SP140: variants seen among roughly 807,000 people sequenced by gnomAD.
SP140 encodes the protein SP140 nuclear body protein.
Under a neutral mutation model 125.0 loss-of-function variants are expected in SP140, and 81 were observed. That is an observed-to-expected ratio of 0.65 (90% CI 0.54 to 0.78). The LOEUF (loss-of-function observed/expected upper bound fraction) is 0.78. SP140 is among the 30% of genes least tolerant of loss of function. The probability of loss-of-function intolerance (pLI) is 0.00; values close to 1 mark genes in which losing one functional copy is unlikely to be tolerated. For synonymous variants in SP140, 312 were observed against 354.0 expected, an observed-to-expected ratio of 0.88 and a Z score of 1.33; for missense variants, 858 against 1,037.0, an observed-to-expected ratio of 0.83 and a Z score of 2.37.
At chr2:230,254,635 G>C (rs541132172) in intron 11 of SP140, among the ~76,000 whole-genome samples, 143 of 152,316 alleles carry the variant, frequency 9.4e-4, no homozygotes, top group Middle Eastern at 3.4e-3. Context: ...TGAATGTCCT[G>C]TTTGCTCTTC....
In SP140 at chr2:230,211,317, G is replaced by T. The variant is rs3769837; in HGVS notation, c.-322-2337G>T. Among the ~76,000 whole-genome samples, 118,601 of 152,036 alleles carry T rather than the reference G, an allele frequency of 0.78. 46,374 individuals carry two copies. Among genetic ancestry groups the T allele is most frequent in the Admixed American group, 0.84 (12,787 of 15,288 alleles). Reference sequence around the variant, plus strand: ...CATTCAGAGGTCGGGTCTCCTGCCTGTTCAAGCTCCCAAGTGCTGGGTGAA... The same window carrying T: ...CATTCAGAGGTCGGGTCTCCTGCCTTTTCAAGCTCCCAAGTGCTGGGTGAA... On this transcript the variant is annotated intron_variant, in intron 1 of 4. Transcript: ENST00000456542. This position sits in a 1 kb window ranked among gnomAD's most constrained non-coding sequence, Gnocchi z 4.2.
At chr2:230,221,061 T>C (rs1365753081), upstream of SP140, among the ~76,000 whole-genome samples, 1 of 151,654 alleles carries the variant, frequency 6.6e-6, no homozygotes, top group Non-Finnish European at 1.5e-5. Context: ...GATGGGTGGA[T>C]CACAAGGTCA....
At chr2:230,259,796 A>ATATATATATATATATATACC (rs71049700) in intron 12 of SP140, among the ~76,000 whole-genome samples, 1 of 107,950 alleles carries the variant, frequency 9.3e-6, no homozygotes, top group African/African-American at 3.4e-5. Flanking sequence ...ATATATATAT[A>ATATATATATATATATATACC]CCACATACAT....
Position 230,237,507 on chromosome 2 carries a change from A to T in SP140, c.237+247A>T, listed in dbSNP as rs189054317. 64 of 398,276 alleles carry T rather than the reference A, an allele frequency of 1.6e-4. No individual in the cohort carries two copies. Among genetic ancestry groups the T allele is most frequent in the African/African-American group, 1.2e-3 (58 of 48,188 alleles). The allele number at this position is 398,276 out of a possible 1,614,324, so 24.7% of individuals were successfully genotyped here. A position where few individuals can be genotyped will look rare whatever the true frequency, so the allele number is the denominator to read the frequency against. ...TGGGAATGCTGTATGGGTGCAGATC[A>T]TCCTAGGTACTTGTAAACAATCTAC... is the stretch of plus-strand genomic sequence containing the variant. On this transcript the variant is annotated intron_variant, in intron 2 of 26. Coordinates refer to ENST00000392045, the MANE Select transcript of SP140 (RefSeq NM_007237.5). The surrounding 1 kb of genome is among the most constrained non-coding windows in gnomAD (Gnocchi z 5.4).
the SP140 span, among the ~76,000 whole-genome samples, chr2:230,196,657 G>C: frequency 6.6e-6 from 1 of 151,612 alleles, no homozygotes; most frequent in Non-Finnish European, 1.5e-5. Context: ...TCGTCATTTA[G>C]CATTAGGTAT....
At chr2:230,194,013 T>C in the SP140 span, among the ~76,000 whole-genome samples, 1 of 152,142 alleles carries the variant, frequency 6.6e-6, no homozygotes, top group Non-Finnish European at 1.5e-5. Context: ...GTATGTTTCC[T>C]CCAGCCTAGG....
At chr2:230,218,777 AT>A in intron 3 of SP140, among the ~76,000 whole-genome samples, 1 of 152,356 alleles carries the variant, frequency 6.6e-6, no homozygotes, top group East Asian at 1.9e-4. Context: ...GACTGTTCAG[AT>A]TTTTATTATG....
chr2:230,256,424 C>T (rs2051212679), intron 12 of SP140, among the ~76,000 whole-genome samples: 1 of 149,416 alleles, frequency 6.7e-6, no homozygotes. Flanking sequence ...ATCACAAGGA[C>T]AAAAAACCAA....
At position 230,257,622 on chromosome 2, in the gene SP140, C is replaced by G. The variant is rs1430164880; in HGVS notation, c.1240+2090C>G. ...TCTCTACTAAAAATACAAAAATTAG[C>G]TGGTTGTGGTCGAGCACACCTGTAG... On this transcript the variant is annotated intron_variant, in intron 12 of 26. Transcript: ENST00000392045. 3.3e-5 allele frequency among the ~76,000 whole-genome samples: 5 copies of G among 152,100 alleles called. No individual in the cohort carries two copies. The East Asian group carries it at 9.6e-4, about 29-fold the overall frequency.
upstream of SP140, among the ~76,000 whole-genome samples, chr2:230,199,282 C>T (rs758626112): frequency 7.2e-6 from 1 of 138,070 alleles, no homozygotes; most frequent in Non-Finnish European, 1.5e-5. Flanking sequence ...GATCTTGGCT[C>T]GCTGCAACCT....
chr2:230,189,733 CCT>C, the SP140 span, among the ~76,000 whole-genome samples: 4 of 152,106 alleles, frequency 2.6e-5, no homozygotes, highest in African/African-American at 7.2e-5. Flanking sequence ...GTGTTGTTCC[CCT>C]CTCTGTGTCC....
intron 3 of SP140, chr2:230,216,667 C>T (rs973565920): frequency 1.6e-6 from 2 of 1,271,004 alleles, no homozygotes; most frequent in Non-Finnish European, 2.3e-6. Flanking sequence ...AATGAACATG[C>T]CTGGGCTGGG....
At chr2:230,289,654 T>G (rs747011836) in intron 18 of SP140, among the ~76,000 whole-genome samples, 1 of 152,182 alleles carries the variant, frequency 6.6e-6, no homozygotes. Flanking sequence ...TTTGTATTTT[T>G]GGTAGAGATG....
At chr2:230,189,380 G>T in the SP140 span, among the ~76,000 whole-genome samples, 1 of 152,020 alleles carries the variant, frequency 6.6e-6, no homozygotes, top group East Asian at 1.9e-4. Context: ...GATAATTTAT[G>T]TCACTGTTAC....
chr2:230,292,511 G>A (rs774244183), intron 19 of SP140, 135 bp from the exon 20 acceptor site: 1 of 1,197,252 alleles, frequency 8.4e-7, no homozygotes, highest in African/African-American at 1.5e-5. Context: ...TCTGTAGTCT[G>A]AGAGGGAAGG....
chr2:230,258,098 G>A (rs977069232), intron 12 of SP140, among the ~76,000 whole-genome samples: 1 of 152,094 alleles, frequency 6.6e-6, no homozygotes, highest in Non-Finnish European at 1.5e-5. Flanking sequence ...GGTTGTTATT[G>A]ACCATATGGC....
chr2:230,294,341 C>A lies in SP140; in HGVS notation c.2016+23C>A, dbSNP rs1196804986. 5.7e-6 allele frequency: 9 copies of A among 1,567,172 alleles called. 1 individual carries two copies. The Middle Eastern group carries it at 5.0e-4, about 87-fold the overall frequency. Reference sequence around the variant, plus strand: ...AAGGTGATTATTACATAGCTTTATACAGCTTCTTGTCACATAACTGATTTA... The same window carrying A: ...AAGGTGATTATTACATAGCTTTATAAAGCTTCTTGTCACATAACTGATTTA... On this transcript the variant is annotated intron_variant, in intron 21 of 26. Coordinates refer to ENST00000392045, the MANE Select transcript of SP140 (RefSeq NM_007237.5).
chr2:230,254,784 G>T (rs998061435), intron 11 of SP140, among the ~76,000 whole-genome samples: 1 of 152,204 alleles, frequency 6.6e-6, no homozygotes, highest in African/African-American at 2.4e-5. Flanking sequence ...GGATTTCTGT[G>T]GCTTCCACCC....
At chr2:230,264,803 G>A (rs1466475060) in intron 12 of SP140, among the ~76,000 whole-genome samples, 3 of 152,236 alleles carry the variant, frequency 2.0e-5, no homozygotes, top group African/African-American at 4.8e-5. Context: ...GGGGTTGTCT[G>A]CACAGAGTCC....
Sources: allele counts gnomAD v4.1 joint callset (sites outside exome capture counted in the v4.1 genomes callset), GRCh38; gene constraint gnomAD v4.1.1; non-coding constraint Gnocchi (gnomAD v3.1); transcripts MANE v1.5; gene names NCBI Gene and HGNC (gene_info 2026-07-23, HGNC 2026-07-21).